Variants in PLEKHM2 observed in about 807,000 individuals in gnomAD.
PLEKHM2 encodes the protein pleckstrin homology and RUN domain containing M2.
Under a neutral mutation model 116.3 loss-of-function variants are expected in PLEKHM2, and 77 were observed. The ratio of observed to expected loss-of-function variants is 0.66; its 90% CI spans 0.55 to 0.80. The LOEUF (loss-of-function observed/expected upper bound fraction) is 0.80. Among genes scored for constraint, PLEKHM2 ranks in the 30% least tolerant of loss-of-function variants. PLEKHM2 has a pLI of 0.00. For synonymous variants in PLEKHM2, 562 were observed against 571.0 expected (o/e 0.98, Z 0.22); for missense variants, 1,183 against 1,354.9 (o/e 0.87, Z 1.99).
At chr1:15,731,437 G>A (rs2068142185) in intron 16 of PLEKHM2, among the ~76,000 whole-genome samples, 180 bp downstream of exon 16, 1 of 152,196 alleles carries the variant, frequency 6.6e-6, no homozygotes, top group Non-Finnish European at 1.5e-5. Flanking sequence ...CAGGAGGGGA[G>A]GAGGGAGGCA....
At position 15,730,406 on chromosome 1, in the gene PLEKHM2, C is replaced by T. The variant is rs555184269; in HGVS notation, c.2209-126C>T. On this transcript the variant is annotated intron_variant, in intron 14 of 19. Transcript: ENST00000375799. ...GCAGTGAGTGGAGATCACACCACTGCAGTCCAGCCTGGGCGACAGAGCGAG... is the reference window on the plus strand; with the variant it reads ...GCAGTGAGTGGAGATCACACCACTGTAGTCCAGCCTGGGCGACAGAGCGAG... The T allele has an allele frequency of 3.1e-5, 22 of 705,116 alleles. No homozygotes were observed. In the African/African-American group the frequency reaches 3.8e-4, roughly 12 times the overall value. The allele number at this position is 705,116 out of a possible 1,614,324, so 43.7% of individuals were successfully genotyped here. A position where few individuals can be genotyped will look rare whatever the true frequency, so the allele number is the denominator to read the frequency against.
rs2068189330 is a variant in PLEKHM2 at position 15,734,067 on chromosome 1, G to A, written c.*133G>A. On this transcript the variant is annotated 3_prime_UTR_variant, in exon 20 of 20. Transcript: ENST00000375799. ...GCCCTGGGCGGCAGAACCACCGAGT[G>A]TGGCTTAAGACAGGGTCCCTCCACT... The A allele has an allele frequency of 9.7e-7, 1 of 1,030,354 alleles. No homozygotes were observed. The highest frequency in any genetic ancestry group is 1.7e-5 in the South Asian group (1 of 59,910). 63.8% of individuals were successfully genotyped at this position (1,030,354 alleles called of 1,614,324 possible).
intron 7 of PLEKHM2, among the ~76,000 whole-genome samples, chr1:15,724,372 A>G (rs559503315): frequency 3.2e-4 from 48 of 151,932 alleles, no homozygotes; most frequent in African/African-American, 1.1e-3. Flanking sequence ...AATCCTAGCT[A>G]CTCGGGAGGC....
At chr1:15,692,059 G>A (rs1320019872) in intron 1 of PLEKHM2, among the ~76,000 whole-genome samples, 1 of 152,030 alleles carries the variant, frequency 6.6e-6, no homozygotes, top group Non-Finnish European at 1.5e-5. Context: ...GCTGCAGTGA[G>A]CCAGGATCAT....
At chr1:15,714,296 G>A (rs948368504) in intron 1 of PLEKHM2, among the ~76,000 whole-genome samples, 2 of 143,130 alleles carry the variant, frequency 1.4e-5, no homozygotes, top group African/African-American at 5.3e-5. Context: ...GCTTCCAGCT[G>A]TAACATCTGT....
chr1:15,729,287 G>A lies in PLEKHM2; in HGVS notation c.2075+97G>A. The A allele has an allele frequency of 1.0e-6, 1 of 978,882 alleles. No individual in the cohort carries two copies. The highest frequency in any genetic ancestry group is 2.6e-5 in the East Asian group (1 of 38,220). 60.6% of individuals were successfully genotyped at this position (978,882 alleles called of 1,614,324 possible). Reference sequence around the variant, plus strand: ...GGTCAGGGGTGGAGGTGGAAAGTGGGAGATCCAGGAGGGGAAACCAGATGT... The same window carrying A: ...GGTCAGGGGTGGAGGTGGAAAGTGGAAGATCCAGGAGGGGAAACCAGATGT... On this transcript the variant is annotated intron_variant, in intron 13 of 19. Coordinates refer to ENST00000375799, the MANE Select transcript of PLEKHM2 (RefSeq NM_015164.4). The surrounding 1 kb of genome is among the most constrained non-coding windows in gnomAD (Gnocchi z 4.7).
Position 15,684,513 on chromosome 1 carries a change from C to CGGT in PLEKHM2, c.-44_-43insTGG, listed in dbSNP as rs1557635796. On this transcript the variant is annotated 5_prime_UTR_variant, in exon 1 of 20. Transcript: ENST00000375799. Reference sequence around the variant, plus strand: ...CCCGGCGCGGGAAGCGGCGGCGGGGCGGCGGCGGCGGTGGCGGTGGCGGTG... The same window carrying CGGT: ...CCCGGCGCGGGAAGCGGCGGCGGGGCGGTGGCGGCGGCGGTGGCGGTGGCGGTG... 1 of 1,037,380 alleles carries CGGT rather than the reference C, an allele frequency of 9.6e-7. No individual in the cohort carries two copies. Among genetic ancestry groups the CGGT allele is most frequent in the Admixed American group, 5.6e-5 (1 of 17,742 alleles). The allele number at this position is 1,037,380 out of a possible 1,614,324, so 64.3% of individuals were successfully genotyped here. A position where few individuals can be genotyped will look rare whatever the true frequency, so the allele number is the denominator to read the frequency against.
chr1:15,734,030 C>A lies in PLEKHM2; in HGVS notation c.*96C>A. 7.4e-7 allele frequency: 1 copy of A among 1,359,854 alleles called. No homozygotes were observed. Among genetic ancestry groups the A allele is most frequent in the Non-Finnish European group, 9.9e-7 (1 of 1,008,376 alleles). The allele number at this position is 1,359,854 out of a possible 1,614,324, so 84.2% of individuals were successfully genotyped here. ...CTGTTGTCATGCTGTCGGGAGCCTA[C>A]AGTCCACCCCTGCCCTGGGCGGCAG... On this transcript the variant is annotated 3_prime_UTR_variant, in exon 20 of 20. Coordinates refer to ENST00000375799, the MANE Select transcript of PLEKHM2 (RefSeq NM_015164.4).
At chr1:15,696,178 C>T (rs1442776005) in intron 1 of PLEKHM2, among the ~76,000 whole-genome samples, 1 of 152,006 alleles carries the variant, frequency 6.6e-6, no homozygotes, top group Non-Finnish European at 1.5e-5. Flanking sequence ...TTATTAAGCT[C>T]ACAAGGAGCA....
chr1:15,705,969 G>T (rs1449148297), intron 1 of PLEKHM2, among the ~76,000 whole-genome samples: 1 of 152,122 alleles, frequency 6.6e-6, no homozygotes, highest in Non-Finnish European at 1.5e-5. Flanking sequence ...CACACCTGCA[G>T]TCCCAGCTAC....
rs1050086212 is a variant in PLEKHM2, at chr1:15,725,745, C to T, written c.941+200C>T. On this transcript the variant is annotated intron_variant, in intron 8 of 19. Coordinates refer to ENST00000375799, the MANE Select transcript of PLEKHM2 (RefSeq NM_015164.4). ...GTCCTAGTCAGCTCGGCTGCTGGAA[C>T]AAAGCACCGCAGACAGGCGGCTTCC... 1.0e-5 allele frequency: 6 copies of T among 585,544 alleles called. No individual in the cohort carries two copies. In the Admixed American group the frequency reaches 1.2e-4, roughly 12 times the overall value. 36.3% of individuals were successfully genotyped at this position (585,544 alleles called of 1,614,324 possible).
chr1:15,717,284 C>T (rs1195775021), intron 3 of PLEKHM2, among the ~76,000 whole-genome samples: 1 of 152,098 alleles, frequency 6.6e-6, no homozygotes, highest in Non-Finnish European at 1.5e-5. Context: ...CACAGTGGCT[C>T]ATGCCTGTAA....
At chr1:15,684,309 G>A (rs1410887195), upstream of PLEKHM2, 39 of 157,256 alleles carry the variant, frequency 2.5e-4, 1 homozygote, top group East Asian at 7.0e-3. Flanking sequence ...TGCCGCCGCC[G>A]CCGCCGCGGC....
chr1:15,708,996 C>A (rs780219087), intron 1 of PLEKHM2, among the ~76,000 whole-genome samples: 2 of 152,154 alleles, frequency 1.3e-5, no homozygotes, highest in African/African-American at 2.4e-5. Context: ...TATTACTAAG[C>A]CCATTTTACA....
chr1:15,711,582 A>C (rs937823914), intron 1 of PLEKHM2, among the ~76,000 whole-genome samples: 3 of 151,554 alleles, frequency 2.0e-5, no homozygotes, highest in East Asian at 1.9e-4. Context: ...GTGCCAGTGC[A>C]CTCCAGCCTG....
In PLEKHM2 at chr1:15,729,079, T is replaced by G; in HGVS notation, c.1987-23T>G. 6.3e-7 allele frequency: 1 copy of G among 1,593,984 alleles called. No individual in the cohort carries two copies. Among genetic ancestry groups the G allele is most frequent in the East Asian group, 2.3e-5 (1 of 43,984 alleles). ...AGGCAGCAGCTAAGCCCCAAGTGCA[T>G]GTCACGGTGTGGTTTCTGGCAGGTT... On this transcript the variant is annotated intron_variant, in intron 12 of 19. Coordinates refer to ENST00000375799, the MANE Select transcript of PLEKHM2 (RefSeq NM_015164.4). This position sits in a 1 kb window ranked among gnomAD's most constrained non-coding sequence, Gnocchi z 4.7.
At chr1:15,713,310 A>G (rs1387290658) in intron 1 of PLEKHM2, among the ~76,000 whole-genome samples, 1 of 151,552 alleles carries the variant, frequency 6.6e-6, no homozygotes, top group Admixed American at 6.6e-5. Context: ...AGGTCTGTGT[A>G]TACAGGAAAA....
chr1:15,703,786 C>T (rs1641166050), intron 1 of PLEKHM2, among the ~76,000 whole-genome samples: 1 of 152,196 alleles, frequency 6.6e-6, no homozygotes, highest in Non-Finnish European at 1.5e-5. Context: ...ACCCACACTT[C>T]CCCGAAGCAG....
chr1:15,725,115 G>C (rs1397745428), intron 7 of PLEKHM2, among the ~76,000 whole-genome samples: 3 of 152,200 alleles, frequency 2.0e-5, no homozygotes, highest in African/African-American at 7.2e-5. Context: ...GGTGGAGATG[G>C]TGTTCCTTCC....
Sources: allele counts gnomAD v4.1 joint callset (sites outside exome capture counted in the v4.1 genomes callset), GRCh38; gene constraint gnomAD v4.1.1; non-coding constraint Gnocchi (gnomAD v3.1); transcripts MANE v1.5; gene names NCBI Gene and HGNC (gene_info 2026-07-23, HGNC 2026-07-21).